Variants in PLCB1 observed in about 807,000 individuals in gnomAD.
The protein encoded by PLCB1 is 1-phosphatidylinositol 4,5-bisphosphate phosphodiesterase beta-1.
PLCB1 carries 46 observed loss-of-function variants against 161.8 expected under a neutral mutation model. That is an observed-to-expected ratio of 0.28 (90% confidence interval 0.22 to 0.36). PLCB1 has a LOEUF of 0.36. Ranked by LOEUF, PLCB1 falls within the 10% of genes least tolerant of loss-of-function variation. PLCB1 has a pLI of 1.00. For missense variants in PLCB1, 1,016 were observed against 1,472.5 expected (o/e 0.69, Z 5.07); for synonymous variants, 517 against 503.7 (o/e 1.03, Z -0.35).
rs1348910010 is a variant in PLCB1, at chr20:8,363,728, G to C, written c.178-7654G>C. ...GGCATGGAAACCAGGAGACCCACAT[G>C]AGTGTGGCCATCTTAGAGTTCTGCC... On this transcript the variant is annotated intron_variant, in intron 2 of 31. Transcript: ENST00000338037. 2.0e-5 allele frequency among the ~76,000 whole-genome samples: 3 copies of C among 152,124 alleles called. No individual in the cohort carries two copies. In the East Asian group the frequency reaches 5.8e-4, roughly 29 times the overall value.
intron 3 of PLCB1, among the ~76,000 whole-genome samples, chr20:8,386,000 C>T (rs1175252771): frequency 6.6e-6 from 1 of 152,248 alleles, no homozygotes. Context: ...AAGATTGCAG[C>T]AAAGCAGTCA....
At chr20:8,661,295 C>G (rs563881092) in intron 9 of PLCB1, among the ~76,000 whole-genome samples, 1 of 152,212 alleles carries the variant, frequency 6.6e-6, no homozygotes, top group East Asian at 1.9e-4. Flanking sequence ...CAACTTATCA[C>G]TTAAGAATAT....
rs543563900 is a variant in PLCB1, at chr20:8,664,866, T to C, written c.862+6162T>C. 2.2e-4 allele frequency among the ~76,000 whole-genome samples: 34 copies of C among 152,286 alleles called. No homozygotes were observed. The South Asian group carries it at 7.0e-3, about 32-fold the overall frequency. On this transcript the variant is annotated intron_variant, in intron 9 of 31. Transcript: ENST00000338037. ...CACCAGTCCTAGTATACAGAAATCC[T>C]TTTTACTCATGGTTCCTGTGAAAGT...
intron 31 of PLCB1, among the ~76,000 whole-genome samples, chr20:8,793,344 G>A (rs556194047): frequency 3.3e-5 from 5 of 152,264 alleles, no homozygotes; most frequent in Admixed American, 2.6e-4. Flanking sequence ...CTTTGCCACA[G>A]GTTACTGAGG....
intron 2 of PLCB1, among the ~76,000 whole-genome samples, chr20:8,163,328 A>G (rs1399759776): frequency 6.6e-6 from 1 of 152,058 alleles, no homozygotes; most frequent in Non-Finnish European, 1.5e-5. Context: ...CTCAGGGGTT[A>G]TTTTCTCAGC....
intron 3 of PLCB1, among the ~76,000 whole-genome samples, chr20:8,554,867 T>C (rs2123003693): frequency 6.6e-6 from 1 of 152,224 alleles, no homozygotes; most frequent in South Asian, 2.1e-4. Flanking sequence ...TCAAATTCAG[T>C]GTATGACAAA....
At chr20:8,880,860 C>CTTTTTTT (rs55682849) in intron 31 of PLCB1, 176 of 99,510 alleles carry the variant, frequency 1.8e-3, no homozygotes, top group African/African-American at 3.3e-3. Flanking sequence ...TTCTTTCTTT[C>CTTTTTTT]TTTTTTTTTT....
intron 2 of PLCB1, among the ~76,000 whole-genome samples, chr20:8,320,895 G>GAGAAGAAGAAA (rs1273918533): frequency 1.6e-4 from 23 of 147,464 alleles, no homozygotes; most frequent in Non-Finnish European, 3.4e-4. Context: ...GAAAGAAAGA[G>GAGAAGAAGAAA]AGAAGAAGAA....
At chr20:8,627,468 G>T (rs1988387846) in intron 3 of PLCB1, among the ~76,000 whole-genome samples, 1 of 152,082 alleles carries the variant, frequency 6.6e-6, no homozygotes, top group East Asian at 1.9e-4. Flanking sequence ...TGTACTCCTG[G>T]CTCAGAAGCT....
chr20:8,725,244 T>C (rs190053582), intron 16 of PLCB1, among the ~76,000 whole-genome samples: 1 of 152,270 alleles, frequency 6.6e-6, no homozygotes, highest in Admixed American at 6.5e-5. Flanking sequence ...TAGAAGAAAA[T>C]GCATTAACTT....
intron 9 of PLCB1, among the ~76,000 whole-genome samples, chr20:8,675,692 C>T (rs1449161213): frequency 6.6e-6 from 1 of 152,048 alleles, no homozygotes; most frequent in Non-Finnish European, 1.5e-5. Context: ...TTCTTGAAAC[C>T]ACACCAAAAC....
chr20:8,200,851 G>A (rs1022365371), intron 2 of PLCB1, among the ~76,000 whole-genome samples: 3 of 151,926 alleles, frequency 2.0e-5, no homozygotes, highest in Admixed American at 1.3e-4. Flanking sequence ...TTAATATTAA[G>A]CATAATATCA....
Position 8,279,225 on chromosome 20 carries a change from T to A in PLCB1, c.178-92157T>A, listed in dbSNP as rs148700616. Among the ~76,000 whole-genome samples the A allele has an allele frequency of 7.9e-4, 120 of 152,250 alleles. 2 individuals carry two copies. In the East Asian group the frequency reaches 0.022, roughly 28 times the overall value. Reference sequence around the variant, plus strand: ...ATGCCAGTGTTCCTAGCAAAACTATTCACAATCAACAAAAACTGGAAACTC... The same window carrying A: ...ATGCCAGTGTTCCTAGCAAAACTATACACAATCAACAAAAACTGGAAACTC... On this transcript the variant is annotated intron_variant, in intron 2 of 31. Coordinates refer to ENST00000338037, the MANE Select transcript of PLCB1 (RefSeq NM_015192.4).
chr20:8,315,641 C>T (rs1303188863), intron 2 of PLCB1, among the ~76,000 whole-genome samples: 1 of 152,170 alleles, frequency 6.6e-6, no homozygotes, highest in South Asian at 2.1e-4. Flanking sequence ...AAGGTCCCTT[C>T]CAGCTCTTAG....
intron 2 of PLCB1, among the ~76,000 whole-genome samples, chr20:8,330,470 T>C (rs959491552): frequency 1.3e-5 from 2 of 152,076 alleles, no homozygotes; most frequent in African/African-American, 4.8e-5. Flanking sequence ...CGCTCAAATG[T>C]TACACCAGCT....
rs765820615 is a variant in PLCB1 at position 8,717,725 on chromosome 20, G to T, written c.1390G>T (p.Val464Leu). Reference protein sequence around the residue: ...SPMDLMYKILVKNKKKSHKSS... With the variant: ...SPMDLMYKILLKNKKKSHKSS... ...TATGGATTTAATGTATAAAATTTTGGTGAAAAATAAGAAGAAATCACACAA... is the reference window on the plus strand; with the variant it reads ...TATGGATTTAATGTATAAAATTTTGTTGAAAAATAAGAAGAAATCACACAA... Residue 464 changes from valine to leucine, a missense_variant, in exon 14 of 32, where the codon GTG becomes TTG. Around this residue, in one of 10 missense-constraint regions of PLCB1, gnomAD observed 109 missense variants for 129.7 expected, o/e 0.84. Transcript: ENST00000338037. The T allele has an allele frequency of 6.2e-7, 1 of 1,613,510 alleles. No homozygotes were observed. Among genetic ancestry groups the T allele is most frequent in the Non-Finnish European group, 8.5e-7 (1 of 1,179,720 alleles).
At chr20:8,872,755 C>A (rs1987649393) in intron 31 of PLCB1, among the ~76,000 whole-genome samples, 1 of 152,078 alleles carries the variant, frequency 6.6e-6, no homozygotes, top group South Asian at 2.1e-4. Context: ...TGCTTCCTTG[C>A]CTCATCTCCA....
At chr20:8,273,789 A>G (rs377429407) in intron 2 of PLCB1, among the ~76,000 whole-genome samples, 1 of 152,184 alleles carries the variant, frequency 6.6e-6, no homozygotes, top group African/African-American at 2.4e-5. Context: ...TGAGCATATG[A>G]ATTGTTTCTA....
intron 23 of PLCB1, among the ~76,000 whole-genome samples, chr20:8,745,361 T>G (rs1981118162): frequency 6.6e-6 from 1 of 152,204 alleles, no homozygotes; most frequent in African/African-American, 2.4e-5. Context: ...GGACACTGTT[T>G]TAGCAGCAAA....
Sources: gnomAD v4.1 joint callset for allele counts (sites outside exome capture counted in the v4.1 genomes callset) on GRCh38, gnomAD v4.1.1 for gene constraint, gnomAD v4.1.1 regional missense constraint, MANE v1.5 for transcripts, NCBI Gene and HGNC (gene_info 2026-07-23, HGNC 2026-07-21) for gene names.